Variants in BRF2 observed in about 807,000 individuals in gnomAD.
BRF2 encodes transcription factor IIIB 50 kDa subunit.
In BRF2, 17 loss-of-function variants were observed where a neutral mutation model predicts 26.6. That is an observed-to-expected ratio of 0.64 (90% confidence interval 0.44 to 0.96). The LOEUF is 0.96. Among genes scored for constraint, BRF2 ranks in the 40% least tolerant of loss-of-function variants. BRF2 has a pLI of 0.00. For synonymous variants in BRF2, 219 were observed against 226.6 expected (o/e 0.97, Z 0.30); for missense variants, 515 against 537.0 (o/e 0.96, Z 0.40).
At position 37,844,632 on chromosome 8, in the gene BRF2, G is replaced by C. The variant is rs776640943; in HGVS notation, c.1118C>G (p.Pro373Arg). The change falls in exon 4 of 4, where the codon CCC becomes CGC. Residue 373 changes from proline (P) to arginine (R), a missense_variant. Coordinates refer to ENST00000220659, the MANE Select transcript of BRF2 (RefSeq NM_018310.4). The stretch of plus-strand genomic sequence containing the variant: ...ATCTCCAGTGACAGTGGAGACAGGG[G>C]GTACAGGGCAGATCCGCTTCGGGGA... ...LKSPKRICPV[P>R]PVSTVTGDEN... 3 of 1,614,000 alleles carry C rather than the reference G, an allele frequency of 1.9e-6. No homozygotes were observed. The highest frequency in any genetic ancestry group is 2.7e-5 in the African/African-American group (2 of 74,898).
chr8:37,848,993 G>T (rs1806015213), intron 1 of BRF2, among the ~76,000 whole-genome samples: 1 of 152,220 alleles, frequency 6.6e-6, no homozygotes, highest in African/African-American at 2.4e-5. Flanking sequence ...TGCGATCACA[G>T]CTCACGGCAG....
chr8:37,845,201 G>C lies in BRF2; in HGVS notation c.549C>G (p.Phe183Leu), dbSNP rs374804029. ...VKTYCSSFKLFQASPSVPAKY... is the reference protein window; with the variant it reads ...VKTYCSSFKLLQASPSVPAKY... ...TGGCTGGCACAGAAGGTGAAGCTTGGAACAGTTTGAAGCTGAAATAACCAA... is the reference window on the plus strand; with the variant it reads ...TGGCTGGCACAGAAGGTGAAGCTTGCAACAGTTTGAAGCTGAAATAACCAA... The change falls in exon 4 of 4, where the codon TTC becomes TTG. Residue 183 changes from phenylalanine to leucine, a missense_variant. Coordinates refer to ENST00000220659, the MANE Select transcript of BRF2 (RefSeq NM_018310.4). 1.7e-5 allele frequency: 27 copies of C among 1,609,380 alleles called. No homozygotes were observed. The African/African-American group carries it at 3.5e-4, about 21-fold the overall frequency.
intron 2 of BRF2, among the ~76,000 whole-genome samples, chr8:37,847,872 C>A (rs936480639): frequency 6.6e-6 from 1 of 151,872 alleles, no homozygotes; most frequent in Non-Finnish European, 1.5e-5. Flanking sequence ...CTCACACCAG[C>A]AATGCTGAAA....
chr8:37,844,904 C>A lies in BRF2; in HGVS notation c.846G>T (p.Trp282Cys). 1 of 1,614,178 alleles carries A rather than the reference C, an allele frequency of 6.2e-7. No individual in the cohort carries two copies. The stretch of plus-strand genomic sequence containing the variant: ...GTTTGTCAAGTCTCAGAACTCGTAA[C>A]CAGGCCAGCTGCTCAGCCATCCGCA... ...VLLRMAEQLA[W>C]LRVLRLDKRS... is the part of the protein sequence containing the mutation. The change falls in exon 4 of 4, where the codon TGG becomes TGT. Residue 282 changes from tryptophan to cysteine, a missense_variant. By Grantham distance (215) the Trp-to-Cys change is radical. Transcript: ENST00000220659.
chr8:37,843,796 C>A lies in BRF2; in HGVS notation c.*694G>T, dbSNP rs962418568. The A allele has an allele frequency of 6.6e-6, 1 of 152,556 alleles. No homozygotes were observed. The highest frequency in any genetic ancestry group is 1.5e-5 in the Non-Finnish European group (1 of 68,040). 9.5% of individuals were successfully genotyped at this position (152,556 alleles called of 1,614,324 possible). A position where few individuals can be genotyped will look rare whatever the true frequency, so the allele number is the denominator to read the frequency against. ...ACATATGCTGGCTGCTGTTTACACACCCTGCCAATGCCTTAGCACTGGAGA... is the reference window on the plus strand; with the variant it reads ...ACATATGCTGGCTGCTGTTTACACAACCTGCCAATGCCTTAGCACTGGAGA... On this transcript the variant is annotated 3_prime_UTR_variant, in exon 4 of 4. Coordinates refer to ENST00000220659, the MANE Select transcript of BRF2 (RefSeq NM_018310.4).
At chr8:37,849,338 G>T (rs570108754) in intron 1 of BRF2, among the ~76,000 whole-genome samples, 1 of 152,282 alleles carries the variant, frequency 6.6e-6, no homozygotes, top group South Asian at 2.1e-4. Flanking sequence ...TGCTATAATC[G>T]TATCGGCAAT....
chr8:37,849,027 A>G (rs538767430), intron 1 of BRF2, among the ~76,000 whole-genome samples: 7 of 152,306 alleles, frequency 4.6e-5, no homozygotes, highest in African/African-American at 1.7e-4. Flanking sequence ...GGCTCAAGCA[A>G]TCCTCCTACC....
intron 1 of BRF2, 45 bp downstream of exon 1, chr8:37,849,585 G>GTGGAGGGA: frequency 2.0e-6 from 3 of 1,527,536 alleles, no homozygotes; most frequent in Non-Finnish European, 2.7e-6. Context: ...GGAATCTGAT[G>GTGGAGGGA]TTAATCCCTC....
chr8:37,844,984 C>T lies in BRF2; in HGVS notation c.766G>A (p.Val256Met). ...GAGGACGCCGGGTAGGGCAGGTCCA[C>T]ATTTGCCAATTTACAAAATCGGGCA... Reference protein sequence around the residue: ...SLARFCKLANVDLPYPASSRL... With the variant: ...SLARFCKLANMDLPYPASSRL... Residue 256 changes from valine (V) to methionine (M), a missense_variant, in exon 4 of 4, where the codon GTG (valine) becomes ATG (methionine). Val to Met is a conservative substitution (Grantham distance 21). Transcript: ENST00000220659. 1.2e-6 allele frequency: 2 copies of T among 1,614,050 alleles called. No individual in the cohort carries two copies. The highest frequency in any genetic ancestry group is 8.5e-7 in the Non-Finnish European group (1 of 1,180,006).
chr8:37,847,263 G>A (rs761367231), intron 2 of BRF2, 88 bp from the exon 3 acceptor site: 1 of 1,173,950 alleles, frequency 8.5e-7, no homozygotes, highest in Non-Finnish European at 1.3e-6. Flanking sequence ...ACTTAGATCT[G>A]CTAAACTTGC....
rs1369910357 is a variant in BRF2, at chr8:37,845,157, T to A, written c.593A>T (p.Glu198Val). The A allele has an allele frequency of 6.2e-7, 1 of 1,613,170 alleles. No homozygotes were observed. The highest frequency in any genetic ancestry group is 8.5e-7 in the Non-Finnish European group (1 of 1,179,686). The change falls in exon 4 of 4, where the codon GAG becomes GTG. Residue 198 changes from glutamate (E) to valine (V), a missense_variant. Physicochemically the swap from Glu to Val is moderately radical, Grantham distance 121. Coordinates refer to ENST00000220659, the MANE Select transcript of BRF2 (RefSeq NM_018310.4). Reference sequence around the variant, plus strand: ...CTGCATTGTTCGAGACAGCATCTTCTCTTTGTCTTCCACGTATTTGGCTGG... The same window carrying A: ...CTGCATTGTTCGAGACAGCATCTTCACTTTGTCTTCCACGTATTTGGCTGG... ...SVPAKYVEDK[E>V]KMLSRTMQLV...
chr8:37,849,204 G>A (rs1054752110), intron 1 of BRF2, among the ~76,000 whole-genome samples: 3 of 152,210 alleles, frequency 2.0e-5, no homozygotes, highest in Non-Finnish European at 4.4e-5. Flanking sequence ...GATTACAGGC[G>A]TAAGCCACCC....
chr8:37,845,919 G>T lies in BRF2; in HGVS notation c.537-706C>A, dbSNP rs538880703. On this transcript the variant is annotated intron_variant, in intron 3 of 3. Transcript: ENST00000220659. ...TGGGCATTCAGCCACAAAGCCCATG[G>T]CACAGCACAACTCTAGGAACTGCCA... The T allele has an allele frequency of 3.0e-4, 170 of 573,104 alleles. 1 individual carries two copies. The highest frequency in any genetic ancestry group is 2.9e-3 in the African/African-American group (154 of 52,790). The allele number at this position is 573,104 out of a possible 1,614,324, so 35.5% of individuals were successfully genotyped here.
At chr8:37,848,540 C>A (rs1386410837) in intron 2 of BRF2, 56 bp downstream of exon 2, 1 of 1,537,504 alleles carries the variant, frequency 6.5e-7, no homozygotes, top group Non-Finnish European at 9.0e-7. Context: ...AGCCACAGCA[C>A]CTGGCCTAGG....
chr8:37,847,928 TTTATTATTATTA>T (rs201041026), intron 2 of BRF2, among the ~76,000 whole-genome samples: 1,023 of 83,998 alleles, frequency 0.012, 15 homozygotes, highest in African/African-American at 0.044. Flanking sequence ...ATAGTTTTCT[TTTATTATTATTA>T]TTATTATTAT....
At chr8:37,846,714 C>T in intron 3 of BRF2, 140 bp downstream of exon 3, 1 of 685,112 alleles carries the variant, frequency 1.5e-6, no homozygotes, top group Non-Finnish European at 2.5e-6. Context: ...TTGCAGTGAG[C>T]TGAGATCGTG....
intron 1 of BRF2, 100 bp from the exon 2 acceptor site, chr8:37,848,755 G>T: frequency 1.1e-6 from 1 of 887,812 alleles, no homozygotes; most frequent in Non-Finnish European, 1.9e-6. Context: ...AAATCATTGA[G>T]CATCTGCTGC....
In BRF2 at chr8:37,847,048, C is replaced by T; in HGVS notation, c.342G>A (p.Lys114=). The T allele has an allele frequency of 6.2e-7, 1 of 1,614,216 alleles. No individual in the cohort carries two copies. Among genetic ancestry groups the T allele is most frequent in the Non-Finnish European group, 8.5e-7 (1 of 1,180,026 alleles). ...AGACGCAGCACCCAACCAACACCTCCTTCTTTTGCAGCCTGGCCGCTCGGA... is the reference window on the plus strand; with the variant it reads ...AGACGCAGCACCCAACCAACACCTCTTTCTTTTGCAGCCTGGCCGCTCGGA... The part of the protein sequence containing the change: ...SGIRAARLQK[K]EVLVGCCVLI... The change falls in exon 3 of 4, where the codon AAG becomes AAA. Residue 114 remains lysine (K), a synonymous_variant. Transcript: ENST00000220659.
rs1256965370 is a variant in BRF2, at chr8:37,848,444, G to A, written c.214+152C>T. On this transcript the variant is annotated intron_variant, in intron 2 of 3. Coordinates refer to ENST00000220659, the MANE Select transcript of BRF2 (RefSeq NM_018310.4). The stretch of plus-strand genomic sequence containing the variant: ...GTATTTTTAGTAGAGACGGGGTTTC[G>A]CTATGTTTGCCAGGCTGGTCTTGAA... The A allele has an allele frequency of 2.1e-5, 14 of 680,172 alleles. 1 individual carries two copies. Among genetic ancestry groups the A allele is most frequent in the Admixed American group, 1.6e-4 (7 of 43,418 alleles). 42.1% of individuals were successfully genotyped at this position (680,172 alleles called of 1,614,324 possible).
Sources: gnomAD v4.1 joint callset for allele counts (sites outside exome capture counted in the v4.1 genomes callset) on GRCh38, gnomAD v4.1.1 for gene constraint, MANE v1.5 for transcripts, NCBI Gene and HGNC (gene_info 2026-07-23, HGNC 2026-07-21) for gene names.